Variants in PDS5B observed in about 807,000 individuals in gnomAD.
PDS5B encodes the protein PDS5 cohesin associated factor B, also known as sister chromatid cohesion protein PDS5 homolog B.
In PDS5B, 51 loss-of-function variants were observed where a neutral mutation model predicts 184.1. That is an observed-to-expected ratio of 0.28 (90% CI 0.22 to 0.35). PDS5B has a LOEUF of 0.35. Among genes scored for constraint, PDS5B ranks in the 10% least tolerant of loss-of-function variants. The pLI is 1.00. For missense variants in PDS5B, 1,180 were observed against 1,723.3 expected, an observed-to-expected ratio of 0.68 and a Z score of 5.58; for synonymous variants, 566 against 569.2, an observed-to-expected ratio of 0.99 and a Z score of 0.08.
At chr13:32,721,983 C>A (rs1466936234) in intron 19 of PDS5B, among the ~76,000 whole-genome samples, 2 of 152,250 alleles carry the variant, frequency 1.3e-5, no homozygotes, top group Non-Finnish European at 2.9e-5. Context: ...GCAATCTCAG[C>A]ACTTTGGGAG....
At chr13:32,712,889 T>C (rs1952252506) in intron 19 of PDS5B, among the ~76,000 whole-genome samples, 1 of 152,184 alleles carries the variant, frequency 6.6e-6, no homozygotes, top group African/African-American at 2.4e-5. Flanking sequence ...TTACCAACTT[T>C]ACGGGAACAG....
At chr13:32,639,216 G>A (rs1205286010) in intron 1 of PDS5B, among the ~76,000 whole-genome samples, 2 of 152,232 alleles carry the variant, frequency 1.3e-5, no homozygotes, top group African/African-American at 4.8e-5. Flanking sequence ...AGGGCCTGGG[G>A]CTCCTTTTCT....
At chr13:32,624,556 G>GT (rs2058344716) in intron 1 of PDS5B, among the ~76,000 whole-genome samples, 1 of 152,096 alleles carries the variant, frequency 6.6e-6, no homozygotes, top group Non-Finnish European at 1.5e-5. Context: ...TTCATATTTT[G>GT]TATTTTGGCA....
At chr13:32,756,062 T>C (rs1321977036) in intron 26 of PDS5B, 106 bp downstream of exon 26, 1 of 624,842 alleles carries the variant, frequency 1.6e-6, no homozygotes, top group African/African-American at 1.9e-5. Context: ...GTATTTCATT[T>C]CTTAGGTGTT....
chr13:32,617,728 C>T (rs916061055), intron 1 of PDS5B, among the ~76,000 whole-genome samples: 1 of 152,128 alleles, frequency 6.6e-6, no homozygotes, highest in Non-Finnish European at 1.5e-5. Context: ...ATTTGTATTC[C>T]TCTTATTACA....
chr13:32,751,920 A>G (rs1953996474), intron 24 of PDS5B, among the ~76,000 whole-genome samples: 1 of 152,208 alleles, frequency 6.6e-6, no homozygotes, highest in African/African-American at 2.4e-5. Flanking sequence ...AAATGAAATG[A>G]AAGAAGATTT....
At chr13:32,602,596 G>C (rs536968303) in intron 1 of PDS5B, among the ~76,000 whole-genome samples, 8 of 152,082 alleles carry the variant, frequency 5.3e-5, no homozygotes, top group Admixed American at 1.3e-4. Flanking sequence ...ACTTATAATC[G>C]TTTGGGTATA....
chr13:32,628,634 A>G (rs901914946), intron 1 of PDS5B, among the ~76,000 whole-genome samples: 1 of 151,492 alleles, frequency 6.6e-6, no homozygotes, highest in Non-Finnish European at 1.5e-5. Flanking sequence ...ATTGCCCAAT[A>G]GGTACTTTTT....
chr13:32,751,140 C>A (rs901351041), intron 24 of PDS5B, among the ~76,000 whole-genome samples: 3 of 152,200 alleles, frequency 2.0e-5, no homozygotes, highest in African/African-American at 7.2e-5. Flanking sequence ...ATTTGGTTTT[C>A]TGTTCCTTTA....
chr13:32,654,457 AG>A (rs1457628625), intron 3 of PDS5B, among the ~76,000 whole-genome samples: 2 of 152,224 alleles, frequency 1.3e-5, no homozygotes, highest in Non-Finnish European at 2.9e-5. Context: ...CAATCCAGGA[AG>A]GGTTCATTCA....
intron 7 of PDS5B, among the ~76,000 whole-genome samples, chr13:32,672,584 G>A (rs1566309961): frequency 6.6e-6 from 1 of 152,198 alleles, no homozygotes; most frequent in Non-Finnish European, 1.5e-5. Flanking sequence ...GAGGCAGAAG[G>A]CAAGGCTTGA....
At chr13:32,608,386 C>T (rs2058093557) in intron 1 of PDS5B, among the ~76,000 whole-genome samples, 1 of 152,108 alleles carries the variant, frequency 6.6e-6, no homozygotes, top group Admixed American at 6.5e-5. Flanking sequence ...AGTAGTCTAA[C>T]CCTAAATTAC....
At chr13:32,648,520 A>G (rs1234928893) in intron 1 of PDS5B, among the ~76,000 whole-genome samples, 1 of 152,120 alleles carries the variant, frequency 6.6e-6, no homozygotes, top group Non-Finnish European at 1.5e-5. Flanking sequence ...TTGGAGGGTT[A>G]GGACAAATAA....
intron 19 of PDS5B, among the ~76,000 whole-genome samples, chr13:32,717,663 C>T (rs1265368900): frequency 2.9e-4 from 37 of 125,864 alleles, no homozygotes; most frequent in South Asian, 5.0e-4. Context: ...TCCCCCTCTG[C>T]GAGAAACACC....
intron 1 of PDS5B, among the ~76,000 whole-genome samples, chr13:32,640,573 A>C (rs1372054805): frequency 2.0e-5 from 3 of 152,098 alleles, no homozygotes; most frequent in African/African-American, 7.2e-5. Context: ...TCTTATGCTT[A>C]CTGTTCATGC....
chr13:32,712,252 G>C (rs953721360), intron 19 of PDS5B, among the ~76,000 whole-genome samples: 5 of 152,166 alleles, frequency 3.3e-5, no homozygotes, highest in African/African-American at 1.2e-4. Context: ...ATTTTAAAAT[G>C]TATTGCTTTA....
intron 14 of PDS5B, among the ~76,000 whole-genome samples, chr13:32,695,882 T>G (rs1233929798): frequency 6.6e-6 from 1 of 152,032 alleles, no homozygotes; most frequent in Non-Finnish European, 1.5e-5. Context: ...GAATTTTCTT[T>G]TTGCTTGTCT....
intron 1 of PDS5B, among the ~76,000 whole-genome samples, chr13:32,620,289 G>GT (rs1175098883): frequency 6.6e-6 from 1 of 152,092 alleles, no homozygotes. Flanking sequence ...TGAGACTGTG[G>GT]TTTCTTTCCA....
At chr13:32,707,436 T>TA (rs1952062418) in intron 18 of PDS5B, among the ~76,000 whole-genome samples, 1 of 152,014 alleles carries the variant, frequency 6.6e-6, no homozygotes, top group Non-Finnish European at 1.5e-5. Flanking sequence ...TATAAAATTA[T>TA]AAAAAACATA....
Sources: allele counts gnomAD v4.1 joint callset (sites outside exome capture counted in the v4.1 genomes callset), GRCh38; gene constraint gnomAD v4.1.1; transcripts MANE v1.5; gene names NCBI Gene and HGNC (gene_info 2026-07-23, HGNC 2026-07-21).